The following TRPM3 variants were observed in gnomAD, a reference collection of about 807,000 sequenced individuals.
The protein encoded by TRPM3 is long transient receptor potential channel 3.
A neutral mutation model predicts 181.2 loss-of-function variants in TRPM3; 77 were observed. That is an observed-to-expected ratio of 0.42 (90% CI 0.35 to 0.51). The LOEUF (loss-of-function observed/expected upper bound fraction) is 0.51, where lower values mean the gene tolerates loss of function less well. Among genes scored for constraint, TRPM3 ranks in the 20% least tolerant of loss-of-function variants. TRPM3 has a pLI of 0.01. For missense variants in TRPM3, 1,759 were observed against 2,196.7 expected, an observed-to-expected ratio of 0.80 and a Z score of 3.98; for synonymous variants, 745 against 796.4, an observed-to-expected ratio of 0.94 and a Z score of 1.09.
chr9:70,934,257 T>C (rs2096802572), intron 1 of TRPM3, among the ~76,000 whole-genome samples: 1 of 152,014 alleles, frequency 6.6e-6, no homozygotes, highest in Non-Finnish European at 1.5e-5. Flanking sequence ...CATAGAAAAT[T>C]TGGGATGTTG....
At chr9:70,835,672 G>A (rs558572711) in intron 5 of TRPM3, among the ~76,000 whole-genome samples, 24 of 152,088 alleles carry the variant, frequency 1.6e-4, no homozygotes, top group African/African-American at 5.1e-4. Flanking sequence ...TTTATCCTCT[G>A]TGTCTCACTG....
At chr9:71,338,518 C>T (rs151163361) in intron 1 of TRPM3, among the ~76,000 whole-genome samples, 36 of 152,026 alleles carry the variant, frequency 2.4e-4, no homozygotes, top group African/African-American at 7.5e-4. Context: ...ATTGATAAAA[C>T]GGAAAAGAAC....
chr9:71,285,008 A>G (rs952840663), intron 1 of TRPM3, among the ~76,000 whole-genome samples: 3 of 152,222 alleles, frequency 2.0e-5, no homozygotes, highest in Non-Finnish European at 4.4e-5. Flanking sequence ...CATAATTTCA[A>G]TTTTAATTAA....
rs1303594650 is a variant in TRPM3 at position 70,553,300 on chromosome 9, T to C, written c.3234A>G (p.Gly1078=). 6.2e-7 allele frequency: 1 copy of C among 1,613,968 alleles called. No homozygotes were observed. The highest frequency in any genetic ancestry group is 1.1e-5 in the South Asian group (1 of 91,078). ...VFADQIDPPC[G]QNETREDGKI... is the part of the protein sequence containing the mutation. The stretch of plus-strand genomic sequence containing the variant: ...TACCATCCTCTCGGGTCTCATTCTG[T>C]CCACAGGGAGCTGGAGGGAGCAACA... The change falls in exon 23 of 26, where the codon GGA becomes GGG. Residue 1078 remains glycine (G), a synonymous_variant. Coordinates refer to ENST00000677713, the MANE Select transcript of TRPM3 (RefSeq NM_001366145.2).
At chr9:70,660,147 T>C (rs2060918467) in intron 9 of TRPM3, among the ~76,000 whole-genome samples, 1 of 152,032 alleles carries the variant, frequency 6.6e-6, no homozygotes, top group Admixed American at 6.6e-5. Flanking sequence ...AAATGCTTTC[T>C]CCAAAAGATT....
chr9:71,239,763 C>CT (rs928407515), intron 1 of TRPM3, among the ~76,000 whole-genome samples: 22 of 152,110 alleles, frequency 1.4e-4, no homozygotes, highest in African/African-American at 4.8e-4. Flanking sequence ...AATGGGCTTT[C>CT]TTTTTTGTCT....
chr9:71,201,277 C>A (rs959629837), intron 1 of TRPM3, among the ~76,000 whole-genome samples: 23 of 152,104 alleles, frequency 1.5e-4, no homozygotes, highest in African/African-American at 4.6e-4. Context: ...TTGTGGGTAA[C>A]CCGACCTTTC....
chr9:70,774,738 T>C (rs2081019941), intron 7 of TRPM3: 1 of 152,212 alleles, frequency 6.6e-6, no homozygotes, highest in African/African-American at 2.4e-5. Flanking sequence ...TACTCAAGAC[T>C]TTTAGAGGTT....
chr9:70,701,048 A>G (rs1208266292), intron 8 of TRPM3, among the ~76,000 whole-genome samples: 2 of 152,204 alleles, frequency 1.3e-5, no homozygotes, highest in Admixed American at 1.3e-4. Flanking sequence ...TTGTAGTTCT[A>G]GAATGATGCC....
chr9:71,380,151 A>G (rs1383668084), intron 1 of TRPM3, among the ~76,000 whole-genome samples: 2 of 151,972 alleles, frequency 1.3e-5, no homozygotes, highest in Admixed American at 6.6e-5. Context: ...TTTTTCCTCA[A>G]TGTGCAGTGG....
intron 1 of TRPM3, among the ~76,000 whole-genome samples, chr9:70,885,922 A>G (rs188337715): frequency 4.6e-5 from 7 of 152,344 alleles, no homozygotes; most frequent in Admixed American, 3.9e-4. Context: ...AATAATACAA[A>G]GAAACAAAAT....
chr9:70,890,556 T>C (rs1564697013), intron 1 of TRPM3, among the ~76,000 whole-genome samples: 1 of 151,782 alleles, frequency 6.6e-6, no homozygotes. Context: ...AAGACAAAGA[T>C]AAGATTCTAC....
At chr9:71,145,601 G>A (rs142048484) in intron 1 of TRPM3, among the ~76,000 whole-genome samples, 14 of 151,922 alleles carry the variant, frequency 9.2e-5, no homozygotes, top group African/African-American at 2.9e-4. Context: ...AGGCATTTCC[G>A]TTTTCTATTT....
intron 1 of TRPM3, among the ~76,000 whole-genome samples, chr9:71,167,463 A>G (rs534172334): frequency 1.3e-5 from 2 of 152,304 alleles, no homozygotes; most frequent in African/African-American, 4.8e-5. Flanking sequence ...TCAAACAACA[A>G]CATATCACAC....
chr9:70,752,055 C>CGT (rs2076284928), intron 8 of TRPM3, among the ~76,000 whole-genome samples: 2 of 97,142 alleles, frequency 2.1e-5, no homozygotes, highest in Non-Finnish European at 4.7e-5. Flanking sequence ...TGTGTGCGCG[C>CGT]GCGCGCGCAT....
chr9:70,607,526 A>G (rs568165365), intron 19 of TRPM3, among the ~76,000 whole-genome samples: 1 of 152,296 alleles, frequency 6.6e-6, no homozygotes, highest in Admixed American at 6.5e-5. Flanking sequence ...TGCTGGACAC[A>G]CAGGCCCCAC....
At chr9:71,407,885 G>C (rs1226862731) in intron 1 of TRPM3, among the ~76,000 whole-genome samples, 1 of 152,096 alleles carries the variant, frequency 6.6e-6, no homozygotes, top group Non-Finnish European at 1.5e-5. Flanking sequence ...TCTAGAGGAA[G>C]ATCAGGCAGC....
intron 1 of TRPM3, among the ~76,000 whole-genome samples, chr9:71,170,013 A>C (rs1013174316): frequency 6.6e-6 from 1 of 150,406 alleles, no homozygotes; most frequent in Non-Finnish European, 1.5e-5. Context: ...AAAAAAAAAA[A>C]AAAAAAAAAA....
intron 1 of TRPM3, among the ~76,000 whole-genome samples, chr9:70,869,654 CAAT>C (rs1805282572): frequency 6.6e-6 from 1 of 151,974 alleles, no homozygotes; most frequent in Admixed American, 6.6e-5. Flanking sequence ...TCTAAAATGT[CAAT>C]AATAAAACTT....
Sources: allele counts gnomAD v4.1 joint callset (sites outside exome capture counted in the v4.1 genomes callset), GRCh38; gene constraint gnomAD v4.1.1; transcripts MANE v1.5; gene names NCBI Gene and HGNC (gene_info 2026-07-23, HGNC 2026-07-21).